The following ZNF430 variants were observed in gnomAD, a reference collection of about 807,000 sequenced individuals.
ZNF430 encodes zinc finger protein 430.
Under a neutral mutation model 56.7 loss-of-function variants are expected in ZNF430, and 35 were observed. The ratio of observed to expected loss-of-function variants is 0.62; its 90% CI spans 0.47 to 0.82. The LOEUF is 0.82. Among genes scored for constraint, ZNF430 ranks in the 40% least tolerant of loss-of-function variants. ZNF430 has a pLI of 0.00. For missense variants in ZNF430, 574 were observed against 661.0 expected (o/e 0.87, Z 1.44); for synonymous variants, 212 against 224.3 (o/e 0.94, Z 0.49).
chr19:21,033,723 C>A, intron 3 of ZNF430, 141 bp downstream of exon 3: 1 of 1,074,416 alleles, frequency 9.3e-7, no homozygotes, highest in Non-Finnish European at 1.3e-6. Context: ...AGGATTTTTC[C>A]ATATAGGAAA....
chr19:21,043,455 T>C (rs1190742256), intron 4 of ZNF430, among the ~76,000 whole-genome samples: 1 of 152,196 alleles, frequency 6.6e-6, no homozygotes, highest in Non-Finnish European at 1.5e-5. Flanking sequence ...TTCTGAGTTC[T>C]GCATTCTTTT....
chr19:21,040,570 C>T (rs1968084826), intron 4 of ZNF430, among the ~76,000 whole-genome samples: 1 of 152,224 alleles, frequency 6.6e-6, no homozygotes, highest in East Asian at 1.9e-4. Flanking sequence ...TACTGGCACA[C>T]ACTTCTTATA....
At chr19:21,040,353 C>A (rs191625756) in intron 4 of ZNF430, among the ~76,000 whole-genome samples, 3 of 152,272 alleles carry the variant, frequency 2.0e-5, no homozygotes, top group Admixed American at 6.5e-5. Flanking sequence ...GTGTTTGGGT[C>A]ATGGGGACTA....
At chr19:21,025,706 C>A (rs58596145) in intron 2 of ZNF430, among the ~76,000 whole-genome samples, 8,814 of 151,712 alleles carry the variant, frequency 0.058, 621 homozygotes, top group African/African-American at 0.18. Flanking sequence ...CCTGCCTCAG[C>A]CTCCCCAGTA....
intron 4 of ZNF430, among the ~76,000 whole-genome samples, chr19:21,039,159 G>A (rs1014195214): frequency 2.4e-4 from 36 of 152,140 alleles, no homozygotes; most frequent in African/African-American, 8.2e-4. Context: ...ATGTTGGCCA[G>A]GCTGGTCTCA....
At position 21,059,970 on chromosome 19, in the gene ZNF430, T is replaced by C. The variant is rs910667930; in HGVS notation, c.*1949T>C. The C allele has an allele frequency of 1.4e-4, 22 of 152,134 alleles. No individual in the cohort carries two copies. Among genetic ancestry groups the C allele is most frequent in the African/African-American group, 4.3e-4 (18 of 41,448 alleles). The allele number at this position is 152,134 out of a possible 1,614,324, so 9.4% of individuals were successfully genotyped here. ...CGTTGTGAGAACATTTTTAATTTTA[T>C]TTAAAATTAAATGAAAATAAATTAG... On this transcript the variant is annotated 3_prime_UTR_variant, in exon 5 of 5. Coordinates refer to ENST00000261560, the MANE Select transcript of ZNF430 (RefSeq NM_025189.4).
At chr19:21,025,696 C>T (rs1242231099) in intron 2 of ZNF430, among the ~76,000 whole-genome samples, 2 of 151,990 alleles carry the variant, frequency 1.3e-5, no homozygotes, top group Non-Finnish European at 2.9e-5. Flanking sequence ...AAGTATTTCT[C>T]CTGCCTCAGC....
chr19:21,040,100 A>G (rs1364835358), intron 4 of ZNF430, among the ~76,000 whole-genome samples: 1 of 152,104 alleles, frequency 6.6e-6, no homozygotes, highest in East Asian at 1.9e-4. Context: ...CATCTTCCAA[A>G]TTGTTGGGAT....
At chr19:21,043,343 C>A (rs780684966) in intron 4 of ZNF430, among the ~76,000 whole-genome samples, 1 of 152,146 alleles carries the variant, frequency 6.6e-6, no homozygotes. Flanking sequence ...ATAGGGCTAG[C>A]CAATTCTCCC....
chr19:21,048,676 C>T (rs1968226552), intron 4 of ZNF430, among the ~76,000 whole-genome samples: 1 of 152,194 alleles, frequency 6.6e-6, no homozygotes, highest in East Asian at 1.9e-4. Flanking sequence ...TCATCATGGC[C>T]CGTTCTCAAT....
intron 2 of ZNF430, among the ~76,000 whole-genome samples, chr19:21,032,362 A>C (rs1490492029): frequency 6.6e-6 from 1 of 152,168 alleles, no homozygotes; most frequent in African/African-American, 2.4e-5. Flanking sequence ...TTGCATTCAG[A>C]TTATAATTTA....
intron 4 of ZNF430, among the ~76,000 whole-genome samples, chr19:21,046,432 T>G (rs1329868589): frequency 6.6e-6 from 1 of 152,152 alleles, no homozygotes; most frequent in Non-Finnish European, 1.5e-5. Flanking sequence ...TTTCATAGTG[T>G]CATTGGTCTT....
intron 4 of ZNF430, 125 bp from the exon 5 acceptor site, chr19:21,056,506 G>T (rs1243303116): frequency 4.5e-6 from 3 of 661,296 alleles, no homozygotes; most frequent in African/African-American, 1.9e-5. Flanking sequence ...AAAAAAATTA[G>T]GGCCTTTATT....
chr19:21,022,254 C>T (rs1360619149), intron 1 of ZNF430, among the ~76,000 whole-genome samples: 3 of 152,108 alleles, frequency 2.0e-5, no homozygotes, highest in Admixed American at 6.6e-5. Flanking sequence ...CATTTTTCAC[C>T]TGTGTCCCAA....
At position 21,046,434 on chromosome 19, in the gene ZNF430, A is replaced by C. The variant is rs10404889; in HGVS notation, c.323-10197A>C. On this transcript the variant is annotated intron_variant, in intron 4 of 4. Coordinates refer to ENST00000261560, the MANE Select transcript of ZNF430 (RefSeq NM_025189.4). Reference sequence around the variant, plus strand: ...TTTGATGTAGTTTTTTCATAGTGTCATTGGTCTTTGTACTTCAGTGTGTTT... The same window carrying C: ...TTTGATGTAGTTTTTTCATAGTGTCCTTGGTCTTTGTACTTCAGTGTGTTT... Among the ~76,000 whole-genome samples, 861 of 151,750 alleles carry C rather than the reference A, an allele frequency of 5.7e-3. 8 individuals carry two copies. The highest frequency in any genetic ancestry group is 0.02 in the African/African-American group (816 of 41,372).
chr19:21,047,617 A>T (rs1431802544), intron 4 of ZNF430, among the ~76,000 whole-genome samples: 1 of 152,038 alleles, frequency 6.6e-6, no homozygotes, highest in Admixed American at 6.6e-5. Context: ...TTTGCTTGGG[A>T]TCTACTTCAG....
intron 4 of ZNF430, among the ~76,000 whole-genome samples, chr19:21,037,654 A>G (rs973841607): frequency 6.6e-6 from 1 of 152,222 alleles, no homozygotes; most frequent in Non-Finnish European, 1.5e-5. Flanking sequence ...AGAAACATTT[A>G]TAACATTTAA....
chr19:21,021,067 C>T (rs956571080), intron 1 of ZNF430, among the ~76,000 whole-genome samples: 1 of 152,150 alleles, frequency 6.6e-6, no homozygotes, highest in Non-Finnish European at 1.5e-5. Context: ...TCCGCAGCGC[C>T]GCGTCTCTCC....
intron 4 of ZNF430, among the ~76,000 whole-genome samples, chr19:21,045,008 G>A (rs564088282): frequency 2.6e-5 from 4 of 151,656 alleles, no homozygotes; most frequent in Admixed American, 2.0e-4. Flanking sequence ...TTTTATTAAT[G>A]TTTTCAAAAA....
Sources: gnomAD v4.1 joint callset for allele counts (sites outside exome capture counted in the v4.1 genomes callset) on GRCh38, gnomAD v4.1.1 for gene constraint, MANE v1.5 for transcripts, NCBI Gene and HGNC (gene_info 2026-07-23, HGNC 2026-07-21) for gene names.